PC: variants seen among roughly 807,000 people sequenced by gnomAD.
PC encodes the protein pyruvate carboxylase, mitochondrial.
A neutral mutation model predicts 107.8 loss-of-function variants in PC; 46 were observed. That is an observed-to-expected ratio of 0.43 (90% CI 0.34 to 0.55). PC has a LOEUF of 0.55. PC is among the 20% of genes least tolerant of loss of function. The pLI, the probability that PC is intolerant of heterozygous loss-of-function variation, is 0.04. For synonymous variants in PC, 662 were observed against 684.7 expected (o/e 0.97, Z 0.52); for missense variants, 1,241 against 1,643.1 (o/e 0.76, Z 4.23).
At chr11:66,906,495 T>A (rs1371682026) in intron 3 of PC, among the ~76,000 whole-genome samples, 1 of 152,138 alleles carries the variant, frequency 6.6e-6, no homozygotes, top group Non-Finnish European at 1.5e-5. Context: ...CCTCCACCCC[T>A]GGCCTAGAAC....
At chr11:66,890,008 C>T (rs756739338) in intron 3 of PC, among the ~76,000 whole-genome samples, 8 of 152,310 alleles carry the variant, frequency 5.3e-5, no homozygotes, top group African/African-American at 7.2e-5. Flanking sequence ...TTAGACATAT[C>T]GCAATCTGTA....
In PC at chr11:66,871,351, C is replaced by T. The variant is rs756000128; in HGVS notation, c.451G>A (p.Asp151Asn). The T allele has an allele frequency of 6.2e-7, 1 of 1,613,936 alleles. No individual in the cohort carries two copies. The highest frequency in any genetic ancestry group is 2.2e-5 in the East Asian group (1 of 44,884). The change falls in exon 6 of 23, where the codon GAC becomes AAC. Residue 151 changes from aspartate to asparagine, a missense_variant. By Grantham distance (23) the Asp-to-Asn change is conservative. This residue lies in a region of PC where 1,143 missense variants were observed against 1,551.9 expected (regional missense o/e 0.74). Coordinates refer to ENST00000393960, the MANE Select transcript of PC (RefSeq NM_001040716.2). The surrounding 1 kb of genome is among the most constrained non-coding windows in gnomAD (Gnocchi z 7.4). ...PSPEVVRKMG[D>N]KVEARAIAIA... The stretch of plus-strand genomic sequence containing the variant: ...GCGATGGCCCGGGCCTCCACCTTGT[C>T]TCCCATCTTGCGGACCACTTCTGGG...
At chr11:66,957,796 G>A (rs1949602360) in intron 1 of PC, 1 of 152,250 alleles carries the variant, frequency 6.6e-6, no homozygotes, top group South Asian at 2.1e-4. Context: ...GAGCTTCCCC[G>A]TCTGAAACAA....
chr11:66,852,917 G>A lies in PC; in HGVS notation c.1514-81C>T, dbSNP rs780941915. Reference sequence around the variant, plus strand: ...GCAGCAGTGAGAGTGGCTGGGCTCAGGGACAGGGACACATCCCTCCAGGAT... The same window carrying A: ...GCAGCAGTGAGAGTGGCTGGGCTCAAGGACAGGGACACATCCCTCCAGGAT... On this transcript the variant is annotated intron_variant, in intron 13 of 22. Transcript: ENST00000393960. The surrounding 1 kb of genome is among the most constrained non-coding windows in gnomAD (Gnocchi z 4.7). The A allele has an allele frequency of 6.8e-4, 712 of 1,054,444 alleles. 1 individual carries two copies. Among genetic ancestry groups the A allele is most frequent in the Non-Finnish European group, 6.8e-4 (495 of 723,398 alleles). The allele number at this position is 1,054,444 out of a possible 1,614,324, so 65.3% of individuals were successfully genotyped here. A position where few individuals can be genotyped will look rare whatever the true frequency, so the allele number is the denominator to read the frequency against.
chr11:66,939,804 CAAAAAAAAAA>C (rs56761659), intron 3 of PC, among the ~76,000 whole-genome samples: 2 of 40,162 alleles, frequency 5.0e-5, no homozygotes, highest in African/African-American at 1.1e-4. Context: ...AACTCCGTCT[CAAAAAAAAAA>C]AAAAAAAAAA....
chr11:66,908,422 G>A (rs1403280199), intron 3 of PC, among the ~76,000 whole-genome samples: 3 of 152,112 alleles, frequency 2.0e-5, no homozygotes, highest in Admixed American at 6.6e-5. Flanking sequence ...GACCCAGTAC[G>A]ATTTATCAGC....
At chr11:66,850,619 T>G in intron 18 of PC, 55 bp downstream of exon 18, 1 of 1,601,990 alleles carries the variant, frequency 6.2e-7, no homozygotes, top group South Asian at 1.1e-5. Context: ...CTACTGGGAC[T>G]GGTGGTGGCT....
rs1452467228 is a variant in PC, at chr11:66,870,132, G to T, written c.903+170C>A. 1.3e-5 allele frequency among the ~76,000 whole-genome samples: 2 copies of T among 152,110 alleles called. No individual in the cohort carries two copies. On this transcript the variant is annotated intron_variant, in intron 9 of 22. Transcript: ENST00000393960. This position sits in a 1 kb window ranked among gnomAD's most constrained non-coding sequence, Gnocchi z 6.1. The stretch of plus-strand genomic sequence containing the variant: ...AGGTGCCTCAACTGCACATGGGAAG[G>T]ATGCCACAAACCCACTTCTGGCCCC...
Position 66,863,782 on chromosome 11 carries a change from C to T in PC, c.1360G>A (p.Gly454Ser). 1 of 1,610,636 alleles carries T rather than the reference C, an allele frequency of 6.2e-7. No individual in the cohort carries two copies. The highest frequency in any genetic ancestry group is 8.5e-7 in the Non-Finnish European group (1 of 1,178,868). ...GGGCTGCAGCCTCTCACCTTCACAC[C>T]TCGGACGCGGAACTCCGCAAGGGCC... ...SRALAEFRVR[G>S]VKTNIAFLQN... The change falls in exon 12 of 23, where the codon GGT becomes AGT. Residue 454 changes from glycine (G) to serine (S), a missense_variant. Gly to Ser is a moderately conservative substitution (Grantham distance 56). This residue lies in a region of PC where 1,143 missense variants were observed against 1,551.9 expected (regional missense o/e 0.74). Coordinates refer to ENST00000393960, the MANE Select transcript of PC (RefSeq NM_001040716.2).
In PC at chr11:66,870,362, G is replaced by A. The variant is rs150040684; in HGVS notation, c.843C>T (p.Ala281=). 128 of 1,613,552 alleles carry A rather than the reference G, an allele frequency of 7.9e-5. No homozygotes were observed. Among genetic ancestry groups the A allele is most frequent in the Middle Eastern group, 3.3e-4 (2 of 6,080 alleles). Residue 281 remains alanine (A), a synonymous_variant, in exon 9 of 23, where the codon GCC becomes GCT. Transcript: ENST00000393960. The surrounding 1 kb of genome is among the most constrained non-coding windows in gnomAD (Gnocchi z 6.1). ...HQKVVEIAPA[A]HLDPQLRTRL... ...GAGTCCGAAGCTGCGGGTCCAGGTG[G>A]GCGGCGGGGGCAATCTCGACCACCT...
At position 66,925,441 on chromosome 11, in the gene PC, T is replaced by C. The variant is rs1312003083; in HGVS notation, c.-1+26989A>G. ...GAGAAAAAGAATTCAGCAATATTTC[T>C]CCCATTTGCTTTTGAAAGAAGAGAA... On this transcript the variant is annotated intron_variant, in intron 3 of 22. Transcript: ENST00000393960. Among the ~76,000 whole-genome samples the C allele has an allele frequency of 3.9e-5, 6 of 152,240 alleles. No individual in the cohort carries two copies. The East Asian group carries it at 1.2e-3, about 29-fold the overall frequency.
Position 66,872,162 on chromosome 11 carries a change from A to G in PC, c.1-3T>C. 6.3e-7 allele frequency: 1 copy of G among 1,579,084 alleles called. No individual in the cohort carries two copies. The highest frequency in any genetic ancestry group is 1.2e-5 in the South Asian group (1 of 85,984). On this transcript the variant is annotated splice_polypyrimidine_tract_variant and splice_region_variant and intron_variant, in intron 3 of 22. Coordinates refer to ENST00000393960, the MANE Select transcript of PC (RefSeq NM_001040716.2). The stretch of plus-strand genomic sequence containing the variant: ...TGGACTGTTCGGAACTTCAGCATCT[A>G]GGGAGGGAAGTTAGAGCCCAGGTTA...
At chr11:66,869,771 G>T (rs1227277664) in intron 9 of PC, among the ~76,000 whole-genome samples, 1 of 152,194 alleles carries the variant, frequency 6.6e-6, no homozygotes, top group East Asian at 1.9e-4. Flanking sequence ...CCTGGGGCAG[G>T]TCACTGTGGG....
chr11:66,860,415 G>A, intron 12 of PC: 1 of 721,984 alleles, frequency 1.4e-6, no homozygotes, highest in South Asian at 1.5e-5. Context: ...CGAGGCAGGG[G>A]CTGCAGCCAC....
chr11:66,888,902 C>T (rs1230130494), intron 3 of PC, among the ~76,000 whole-genome samples: 5 of 151,950 alleles, frequency 3.3e-5, no homozygotes, highest in Non-Finnish European at 5.9e-5. Flanking sequence ...GGTGAAACCC[C>T]GTCTCTACTA....
intron 18 of PC, 53 bp downstream of exon 18, chr11:66,850,621 G>A (rs1382086512): frequency 2.5e-6 from 4 of 1,602,050 alleles, no homozygotes; most frequent in Admixed American, 1.7e-5. Context: ...ACTGGGACTG[G>A]TGGTGGCTGC....
At position 66,850,768 on chromosome 11, in the gene PC, C is replaced by G. The variant is rs1002940972; in HGVS notation, c.2379G>C (p.Val793=). Residue 793 remains valine (V), a synonymous_variant, in exon 18 of 23, where the codon GTG becomes GTC. Transcript: ENST00000393960. ...ACATGGAATCAGCTGCCACATCCAC[C>G]ACATCAGCTCCAGCCTGGGCACAGG... ...MLACAQAGAD[V]VDVAADSMSG... is the part of the protein sequence containing the mutation. 8 of 1,611,462 alleles carry G rather than the reference C, an allele frequency of 5.0e-6. No individual in the cohort carries two copies. Among genetic ancestry groups the G allele is most frequent in the Non-Finnish European group, 6.8e-6 (8 of 1,179,986 alleles).
At chr11:66,952,085 C>T (rs1460727792) in intron 3 of PC, among the ~76,000 whole-genome samples, 1 of 152,160 alleles carries the variant, frequency 6.6e-6, no homozygotes, top group Non-Finnish European at 1.5e-5. Context: ...GCTGCCTGCT[C>T]TCCATGCTGA....
rs1170603994 is a variant in PC at position 66,944,230 on chromosome 11, G to A, written c.-1+8200C>T. The stretch of plus-strand genomic sequence containing the variant: ...CAGGAGGAGAAGCTTGCAGTGAGCC[G>A]AGATTGCACCACTGCACTCCAGCCT... On this transcript the variant is annotated intron_variant, in intron 3 of 22. Transcript: ENST00000393960. Among the ~76,000 whole-genome samples the A allele has an allele frequency of 3.5e-5, 4 of 115,630 alleles. 1 individual carries two copies. The East Asian group carries it at 7.9e-4, about 23-fold the overall frequency. 75.9% of individuals were successfully genotyped at this position (115,630 alleles called of 152,430 possible).
Sources: gnomAD v4.1 joint callset for allele counts (sites outside exome capture counted in the v4.1 genomes callset) on GRCh38, gnomAD v4.1.1 for gene constraint, gnomAD v4.1.1 regional missense constraint, Gnocchi (gnomAD v3.1) non-coding constraint, MANE v1.5 for transcripts, NCBI Gene and HGNC (gene_info 2026-07-23, HGNC 2026-07-21) for gene names.